GNB1L: variants seen among roughly 807,000 people sequenced by gnomAD.
GNB1L encodes guanine nucleotide-binding protein subunit beta-like protein 1.
A neutral mutation model predicts 29.1 loss-of-function variants in GNB1L; 20 were observed. The ratio of observed to expected loss-of-function variants is 0.69; its 90% confidence interval spans 0.48 to 1.00. The LOEUF (loss-of-function observed/expected upper bound fraction) is 1.00, where lower values mean the gene tolerates loss of function less well. Among genes scored for constraint, GNB1L ranks in the 50% least tolerant of loss-of-function variants. The pLI is 0.00. For synonymous variants in GNB1L, 193 were observed against 206.5 expected (o/e 0.93, Z 0.56); for missense variants, 421 against 464.9 (o/e 0.91, Z 0.87).
intron 7 of GNB1L, chr22:19,793,171 A>G: frequency 1.1e-6 from 1 of 930,932 alleles, no homozygotes; most frequent in Non-Finnish European, 1.6e-6. Flanking sequence ...AAATGAAAGG[A>G]AAGTGTATTC....
At chr22:19,830,802 T>C (rs557259899) in intron 2 of GNB1L, among the ~76,000 whole-genome samples, 16 of 152,320 alleles carry the variant, frequency 1.1e-4, no homozygotes, top group African/African-American at 3.8e-4. Flanking sequence ...CTCAAGTCTT[T>C]AGGATTAAAA....
At chr22:19,820,816 C>T in intron 3 of GNB1L, 93 bp from the exon 4 acceptor site, 3 of 1,438,928 alleles carry the variant, frequency 2.1e-6, no homozygotes, top group Non-Finnish European at 2.8e-6. Context: ...GGGATGCGGG[C>T]ATCTAGGCTG....
rs1601353430 is a variant in GNB1L, at chr22:19,846,804, C to T, written c.-21+7639G>A. On this transcript the variant is annotated intron_variant, in intron 2 of 7. Coordinates refer to ENST00000329517, the MANE Select transcript of GNB1L (RefSeq NM_053004.3). ...CCAAGGAGCGAGGCCTCAGGAGAAA[C>T]CAACCCTGCCCACACCTTGATCTCA... is the stretch of plus-strand genomic sequence containing the variant. 4 of 639,866 alleles carry T rather than the reference C, an allele frequency of 6.3e-6. No individual in the cohort carries two copies. In the East Asian group the frequency reaches 4.1e-4, roughly 66 times the overall value. The allele number at this position is 639,866 out of a possible 1,614,324, so 39.6% of individuals were successfully genotyped here.
chr22:19,809,010 C>G (rs1461386076), intron 5 of GNB1L, among the ~76,000 whole-genome samples: 1 of 151,988 alleles, frequency 6.6e-6, no homozygotes, highest in Non-Finnish European at 1.5e-5. Flanking sequence ...CAGGGAAGTG[C>G]TAGGAAGGGA....
At position 19,818,192 on chromosome 22, in the gene GNB1L, G is replaced by A. The variant is rs560883049; in HGVS notation, c.254+2406C>T. 7.0e-3 allele frequency among the ~76,000 whole-genome samples: 1,073 copies of A among 152,354 alleles called. 6 individuals carry two copies. Among genetic ancestry groups the A allele is most frequent in the Non-Finnish European group, 0.01 (705 of 68,028 alleles). On this transcript the variant is annotated intron_variant, in intron 4 of 7. Coordinates refer to ENST00000329517, the MANE Select transcript of GNB1L (RefSeq NM_053004.3). Reference sequence around the variant, plus strand: ...CTACAGCACCATCCCAGCAGGAAGGGGAGGTGCCCTCGAACGTCAGCTCCC... The same window carrying A: ...CTACAGCACCATCCCAGCAGGAAGGAGAGGTGCCCTCGAACGTCAGCTCCC...
intron 2 of GNB1L, among the ~76,000 whole-genome samples, chr22:19,835,228 CCTGA>C (rs1455485928): frequency 1.3e-5 from 2 of 152,136 alleles, no homozygotes; most frequent in East Asian, 3.8e-4. Flanking sequence ...ATACAGAAGA[CCTGA>C]CTAATACTAT....
intron 7 of GNB1L, among the ~76,000 whole-genome samples, chr22:19,797,186 A>G (rs1442053911): frequency 6.6e-6 from 1 of 152,078 alleles, no homozygotes; most frequent in Non-Finnish European, 1.5e-5. Context: ...AAATGTGTCC[A>G]TCCATCGGGA....
chr22:19,815,642 G>A (rs1464492376), intron 4 of GNB1L, among the ~76,000 whole-genome samples: 2 of 152,100 alleles, frequency 1.3e-5, no homozygotes, highest in Non-Finnish European at 2.9e-5. Context: ...GAGTGCAGTG[G>A]GGTGATCACA....
chr22:19,847,883 G>C, intron 2 of GNB1L: 1 of 974,352 alleles, frequency 1.0e-6, no homozygotes, highest in Admixed American at 6.3e-5. Flanking sequence ...CTTTAATCTG[G>C]AATATGTACT....
chr22:19,842,279 C>G (rs911426748), intron 2 of GNB1L, among the ~76,000 whole-genome samples: 6 of 152,268 alleles, frequency 3.9e-5, no homozygotes, highest in Admixed American at 3.3e-4. Context: ...TGGGCTATCC[C>G]AGTCAGTTCA....
intron 7 of GNB1L, among the ~76,000 whole-genome samples, chr22:19,797,946 G>A (rs1431942108): frequency 6.6e-6 from 1 of 152,098 alleles, no homozygotes; most frequent in Non-Finnish European, 1.5e-5. Context: ...GCAGACCTTG[G>A]CTCTGGGGGT....
intron 7 of GNB1L, among the ~76,000 whole-genome samples, chr22:19,793,798 G>A (rs1465955698): frequency 6.6e-6 from 1 of 152,124 alleles, no homozygotes; most frequent in Non-Finnish European, 1.5e-5. Context: ...CCATAGCCAG[G>A]ATTCTGTAAA....
chr22:19,851,350 C>T lies in GNB1L; in HGVS notation c.-21+3093G>A, dbSNP rs78844806. 5,398 of 1,614,042 alleles carry T rather than the reference C, an allele frequency of 3.3e-3. 149 individuals are homozygous for T. The African/African-American group carries it at 0.065, about 19-fold the overall frequency. On this transcript the variant is annotated intron_variant, in intron 2 of 7. Coordinates refer to ENST00000329517, the MANE Select transcript of GNB1L (RefSeq NM_053004.3). Reference sequence around the variant, plus strand: ...TCTGGGCAGGAGGATTAGCTGACTCCGACAGTCTAGGGACAGGTGTGGGGG... The same window carrying T: ...TCTGGGCAGGAGGATTAGCTGACTCTGACAGTCTAGGGACAGGTGTGGGGG...
chr22:19,842,058 C>G (rs1374157269), intron 2 of GNB1L, among the ~76,000 whole-genome samples: 1 of 152,222 alleles, frequency 6.6e-6, no homozygotes, highest in Non-Finnish European at 1.5e-5. Flanking sequence ...ACCTCCCAGG[C>G]TACACCTGGA....
chr22:19,835,952 G>A (rs1303951222), intron 2 of GNB1L, among the ~76,000 whole-genome samples: 14 of 152,062 alleles, frequency 9.2e-5, no homozygotes, highest in African/African-American at 1.4e-4. Context: ...TACTTACATC[G>A]ACAAGAAGAA....
Position 19,788,285 on chromosome 22 carries a change from C to G in GNB1L, c.*424G>C, listed in dbSNP as rs1043673493. 5.7e-5 allele frequency: 27 copies of G among 471,776 alleles called. No individual in the cohort carries two copies. Among genetic ancestry groups the G allele is most frequent in the Non-Finnish European group, 9.1e-5 (24 of 264,874 alleles). The allele number at this position is 471,776 out of a possible 1,614,324, so 29.2% of individuals were successfully genotyped here. A position where few individuals can be genotyped will look rare whatever the true frequency, so the allele number is the denominator to read the frequency against. On this transcript the variant is annotated 3_prime_UTR_variant, in exon 8 of 8. Coordinates refer to ENST00000329517, the MANE Select transcript of GNB1L (RefSeq NM_053004.3). ...TGAGGCCTGGCCCAGGAAACCCACA[C>G]TCGGGGTGGCCCATTCAACAGCAGG...
Position 19,835,718 on chromosome 22 carries a change from C to T in GNB1L, c.-20-14343G>A, listed in dbSNP as rs187735186. 6.6e-5 allele frequency among the ~76,000 whole-genome samples: 10 copies of T among 152,124 alleles called. No individual in the cohort carries two copies. The East Asian group carries it at 1.7e-3, about 26-fold the overall frequency. On this transcript the variant is annotated intron_variant, in intron 2 of 7. Coordinates refer to ENST00000329517, the MANE Select transcript of GNB1L (RefSeq NM_053004.3). Reference sequence around the variant, plus strand: ...AAAAACAAAGTATACAAAGTATGCTCTCTGATCATATGGAATTAAACTGGA... The same window carrying T: ...AAAAACAAAGTATACAAAGTATGCTTTCTGATCATATGGAATTAAACTGGA...
intron 2 of GNB1L, chr22:19,848,759 AG>A: frequency 2.0e-6 from 2 of 985,564 alleles, no homozygotes; most frequent in Non-Finnish European, 2.4e-6. Context: ...CTGGGTCCCA[AG>A]GGCACAAAAG....
chr22:19,793,727 G>A (rs1330558307), intron 7 of GNB1L, among the ~76,000 whole-genome samples: 1 of 152,178 alleles, frequency 6.6e-6, no homozygotes, highest in Admixed American at 6.5e-5. Flanking sequence ...GTTCTCATCA[G>A]AAACAATGTA....
Sources: gnomAD v4.1 joint callset for allele counts (sites outside exome capture counted in the v4.1 genomes callset) on GRCh38, gnomAD v4.1.1 for gene constraint, MANE v1.5 for transcripts, NCBI Gene and HGNC (gene_info 2026-07-23, HGNC 2026-07-21) for gene names.